TMEM132B: variants seen among roughly 807,000 people sequenced by gnomAD.
TMEM132B encodes the protein transmembrane protein 132B.
In TMEM132B, 18 loss-of-function variants were observed where a neutral mutation model predicts 90.8. The observed-to-expected ratio is 0.20, with a 90% CI of 0.14 to 0.29. The LOEUF is 0.29. Ranked by LOEUF, TMEM132B falls within the 10% of genes least tolerant of loss-of-function variation. The pLI is 1.00. For synonymous variants in TMEM132B, 504 were observed against 523.3 expected, an observed-to-expected ratio of 0.96 and a Z score of 0.50; for missense variants, 1,096 against 1,326.8, an observed-to-expected ratio of 0.83 and a Z score of 2.70.
At chr12:125,299,022 C>T (rs908719279) in intron 1 of TMEM132B, among the ~76,000 whole-genome samples, 3 of 152,046 alleles carry the variant, frequency 2.0e-5, no homozygotes, top group Non-Finnish European at 4.4e-5. Context: ...CGTGAGCCAC[C>T]ACGCCCGGCC....
rs963659109 is a variant in TMEM132B, at chr12:125,457,515, CA to C, written c.1106+41839del. ...GCGTTGAGTTTGGATGGGACCCTTGCAGGGGCCTCTAGGGAAACAGACAAAA... is the reference window on the plus strand; with the variant it reads ...GCGTTGAGTTTGGATGGGACCCTTGCGGGGCCTCTAGGGAAACAGACAAAA... On this transcript the variant is annotated intron_variant, in intron 3 of 8. Coordinates refer to ENST00000682704, the MANE Select transcript of TMEM132B (RefSeq NM_001366854.1). Among the ~76,000 whole-genome samples, 42 of 152,204 alleles carry C rather than the reference CA, an allele frequency of 2.8e-4. 1 individual carries two copies. The highest frequency in any genetic ancestry group is 9.9e-4 in the African/African-American group (41 of 41,456).
At position 125,498,366 on chromosome 12, in the gene TMEM132B, G is replaced by A. The variant is rs530723016; in HGVS notation, c.1107-21073G>A. 9.8e-5 allele frequency among the ~76,000 whole-genome samples: 15 copies of A among 152,296 alleles called. No individual in the cohort carries two copies. Among genetic ancestry groups the A allele is most frequent in the African/African-American group, 3.6e-4 (15 of 41,562 alleles). On this transcript the variant is annotated intron_variant, in intron 3 of 8. Transcript: ENST00000682704. The surrounding 1 kb of genome is among the most constrained non-coding windows in gnomAD (Gnocchi z 4.5). Reference sequence around the variant, plus strand: ...CTGTGTGTATGTGGATGGTGGGTGAGGGTGTGGAGAAAATCACACACAGCA... The same window carrying A: ...CTGTGTGTATGTGGATGGTGGGTGAAGGTGTGGAGAAAATCACACACAGCA...
At chr12:125,370,184 T>C (rs1878251181) in intron 2 of TMEM132B, among the ~76,000 whole-genome samples, 1 of 152,162 alleles carries the variant, frequency 6.6e-6, no homozygotes, top group African/African-American at 2.4e-5. Context: ...CAAAGAACAC[T>C]GAGGTCACCA....
At chr12:125,378,158 T>G (rs2136281507) in intron 2 of TMEM132B, among the ~76,000 whole-genome samples, 1 of 152,024 alleles carries the variant, frequency 6.6e-6, no homozygotes, top group South Asian at 2.1e-4. Flanking sequence ...GGTGTTGGGG[T>G]CAGGAAGTAG....
rs1887026728 is a variant in TMEM132B, at chr12:125,655,051, G to C, written c.*341G>C. The C allele has an allele frequency of 4.4e-6, 1 of 226,694 alleles. No homozygotes were observed. The highest frequency in any genetic ancestry group is 8.7e-6 in the Non-Finnish European group (1 of 115,346). The allele number at this position is 226,694 out of a possible 1,614,324, so 14.0% of individuals were successfully genotyped here. A position where few individuals can be genotyped will look rare whatever the true frequency, so the allele number is the denominator to read the frequency against. On this transcript the variant is annotated 3_prime_UTR_variant, in exon 9 of 9. Coordinates refer to ENST00000682704, the MANE Select transcript of TMEM132B (RefSeq NM_001366854.1). ...GGCCATGTGGAATTAGAAAAGATTT[G>C]GGTGTTGATTTTTCTATTTCTAGAC... is the stretch of plus-strand genomic sequence containing the variant.
rs1402935934 is a variant in TMEM132B, at chr12:125,639,132, A to G, written c.1438-4944A>G. On this transcript the variant is annotated intron_variant, in intron 5 of 8. Transcript: ENST00000682704. ...ATCTGGCTCTGATCTTTATTTTGCT[A>G]TGTCATCCTGTCATCTCCCCACACC... 6.6e-5 allele frequency among the ~76,000 whole-genome samples: 10 copies of G among 152,236 alleles called. No individual in the cohort carries two copies. The South Asian group carries it at 8.3e-4, about 13-fold the overall frequency.
chr12:125,529,975 G>A (rs1883601989), intron 4 of TMEM132B, among the ~76,000 whole-genome samples: 1 of 152,164 alleles, frequency 6.6e-6, no homozygotes, highest in Admixed American at 6.5e-5. Flanking sequence ...GCTGCAGTGA[G>A]CTGTGATTGT....
At chr12:125,403,407 A>T (rs1475258098) in intron 2 of TMEM132B, among the ~76,000 whole-genome samples, 1 of 152,224 alleles carries the variant, frequency 6.6e-6, no homozygotes. Context: ...TTGTGGTCAT[A>T]TATTTTTCTA....
chr12:125,472,839 G>A (rs1881757901), intron 3 of TMEM132B, among the ~76,000 whole-genome samples: 1 of 152,144 alleles, frequency 6.6e-6, no homozygotes. Context: ...TGAGTGATAA[G>A]TTTCGGTTGT....
chr12:125,375,222 A>G (rs1466478455), intron 2 of TMEM132B, among the ~76,000 whole-genome samples: 1 of 152,228 alleles, frequency 6.6e-6, no homozygotes, highest in African/African-American at 2.4e-5. Context: ...AAGAAACTCA[A>G]TCTCAGACTC....
intron 3 of TMEM132B, among the ~76,000 whole-genome samples, chr12:125,426,406 C>T (rs973077638): frequency 6.6e-6 from 1 of 152,054 alleles, no homozygotes; most frequent in Non-Finnish European, 1.5e-5. Context: ...ATAATATGTT[C>T]ATAGATTTCA....
intron 1 of TMEM132B, among the ~76,000 whole-genome samples, chr12:125,237,559 G>A (rs60877841): frequency 0.021 from 3,130 of 152,052 alleles, 115 homozygotes; most frequent in African/African-American, 0.072. Flanking sequence ...AGCAATTCTC[G>A]TGCCTCAGCC....
In TMEM132B at chr12:125,413,637, C is replaced by T. The variant is rs185584479; in HGVS notation, c.960-1894C>T. Reference sequence around the variant, plus strand: ...GTCTGGCTTCTTTCACTCAGCATCACGTTATCGAGGTTCATCACGTAGCAT... The same window carrying T: ...GTCTGGCTTCTTTCACTCAGCATCATGTTATCGAGGTTCATCACGTAGCAT... On this transcript the variant is annotated intron_variant, in intron 2 of 8. Transcript: ENST00000682704. 7.2e-5 allele frequency among the ~76,000 whole-genome samples: 11 copies of T among 152,356 alleles called. No homozygotes were observed. In the East Asian group the frequency reaches 1.7e-3, roughly 24 times the overall value.
At position 125,529,686 on chromosome 12, in the gene TMEM132B, G is replaced by A. The variant is rs181332596; in HGVS notation, c.1293+10061G>A. On this transcript the variant is annotated intron_variant, in intron 4 of 8. Transcript: ENST00000682704. ...GCCCTTGGGGTCTGTCCCAGCTTTG[G>A]GAAGCCATAAGTAGGAGGGCATTTT... Among the ~76,000 whole-genome samples, 650 of 152,304 alleles carry A rather than the reference G, an allele frequency of 4.3e-3. 2 individuals carry two copies. The highest frequency in any genetic ancestry group is 7.2e-3 in the Non-Finnish European group (492 of 68,030).
intron 3 of TMEM132B, among the ~76,000 whole-genome samples, chr12:125,515,184 G>A (rs931725287): frequency 8.9e-5 from 13 of 146,224 alleles, no homozygotes; most frequent in South Asian, 2.2e-4. Flanking sequence ...ACTCACACAC[G>A]CATTCTCTCT....
At position 125,432,528 on chromosome 12, in the gene TMEM132B, T is replaced by TATATAGAGAG. The variant is rs1458075923; in HGVS notation, c.1106+16852_1106+16853insTATAGAGAGA. Among the ~76,000 whole-genome samples the TATATAGAGAG allele has an allele frequency of 1.9e-3, 76 of 39,122 alleles. 24 individuals carry two copies. Among genetic ancestry groups the TATATAGAGAG allele is most frequent in the Non-Finnish European group, 1.0e-3 (21 of 20,090 alleles). 25.7% of individuals were successfully genotyped at this position (39,122 alleles called of 152,430 possible). A position where few individuals can be genotyped will look rare whatever the true frequency, so the allele number is the denominator to read the frequency against. On this transcript the variant is annotated intron_variant, in intron 3 of 8. Coordinates refer to ENST00000682704, the MANE Select transcript of TMEM132B (RefSeq NM_001366854.1). The stretch of plus-strand genomic sequence containing the variant: ...GTGTGTGTGTATATATATATATATA[T>TATATAGAGAG]AGAGAGAGAGAGAGAGAGAGAGAGA...
At chr12:125,188,690 CT>C (rs983354033) in intron 1 of TMEM132B, among the ~76,000 whole-genome samples, 5 of 151,838 alleles carry the variant, frequency 3.3e-5, no homozygotes, top group Admixed American at 6.6e-5. Flanking sequence ...TTGGGAGAGT[CT>C]CAGCAGGGCA....
intron 4 of TMEM132B, among the ~76,000 whole-genome samples, chr12:125,551,602 T>C (rs986340155): frequency 1.3e-5 from 2 of 149,968 alleles, no homozygotes; most frequent in African/African-American, 5.0e-5. Context: ...TTTTTTTTTT[T>C]TAAACAAGAT....
At chr12:125,513,121 G>A (rs1883023949) in intron 3 of TMEM132B, among the ~76,000 whole-genome samples, 1 of 152,226 alleles carries the variant, frequency 6.6e-6, no homozygotes, top group Non-Finnish European at 1.5e-5. Flanking sequence ...GCCTACGCAG[G>A]TCTGTCTCCT....
Sources: gnomAD v4.1 joint callset for allele counts (sites outside exome capture counted in the v4.1 genomes callset) on GRCh38, gnomAD v4.1.1 for gene constraint, Gnocchi (gnomAD v3.1) non-coding constraint, MANE v1.5 for transcripts, NCBI Gene and HGNC (gene_info 2026-07-23, HGNC 2026-07-21) for gene names.